The following CNTN1 variants were observed in gnomAD, a reference collection of about 807,000 sequenced individuals.
CNTN1 encodes the protein contactin 1.
In CNTN1, 38 loss-of-function variants were observed where a neutral mutation model predicts 126.4. The ratio of observed to expected loss-of-function variants is 0.30; its 90% CI spans 0.23 to 0.39. The LOEUF (loss-of-function observed/expected upper bound fraction) is 0.39. Ranked by LOEUF, CNTN1 falls within the 10% of genes least tolerant of loss-of-function variation. CNTN1 has a pLI of 1.00. For synonymous variants in CNTN1, 413 were observed against 422.6 expected (o/e 0.98, Z 0.28); for missense variants, 1,009 against 1,248.4 (o/e 0.81, Z 2.89).
chr12:41,050,531 A>T (rs932913830), intron 23 of CNTN1, among the ~76,000 whole-genome samples: 5 of 152,152 alleles, frequency 3.3e-5, no homozygotes, highest in African/African-American at 1.2e-4. Context: ...GGAGACATTC[A>T]TCCCCATGAT....
Position 40,910,113 on chromosome 12 carries a change from G to T in CNTN1, c.94+8G>T. 4 of 1,598,624 alleles carry T rather than the reference G, an allele frequency of 2.5e-6. No individual in the cohort carries two copies. The South Asian group carries it at 4.4e-5, about 18-fold the overall frequency. On this transcript the variant is annotated splice_region_variant and intron_variant, in intron 3 of 23. Transcript: ENST00000551295. ...GAAGATATGGTCATGGAGGTAAGTT[G>T]ACCAAAGAGTAGACCTTGTAAACAT...
At chr12:40,707,626 G>A (rs561754062) in intron 1 of CNTN1, among the ~76,000 whole-genome samples, 1 of 152,020 alleles carries the variant, frequency 6.6e-6, no homozygotes, top group South Asian at 2.1e-4. Flanking sequence ...TTCCTTTCAT[G>A]TTAAATACTA....
At chr12:40,749,409 C>T (rs1215720576) in intron 1 of CNTN1, among the ~76,000 whole-genome samples, 1 of 151,952 alleles carries the variant, frequency 6.6e-6, no homozygotes, top group Non-Finnish European at 1.5e-5. Flanking sequence ...CAGGAGTGTA[C>T]AGATATTGTG....
chr12:41,029,559 A>G, intron 23 of CNTN1, among the ~76,000 whole-genome samples: 1 of 152,188 alleles, frequency 6.6e-6, no homozygotes, highest in East Asian at 1.9e-4. Context: ...ACATATATCA[A>G]ATCTTCATGT....
rs141856997 is a variant in CNTN1 at position 40,856,790 on chromosome 12, G to A, written c.-76-51567G>A. Among the ~76,000 whole-genome samples, 63 of 152,124 alleles carry A rather than the reference G, an allele frequency of 4.1e-4. No individual in the cohort carries two copies. In the East Asian group the frequency reaches 8.5e-3, roughly 21 times the overall value. ...CAGGAGGTCTGGGATGTCCTGCAAG[G>A]TTGACTTTGAGGTAATCCATACACA... On this transcript the variant is annotated intron_variant, in intron 1 of 23. Coordinates refer to ENST00000551295, the MANE Select transcript of CNTN1 (RefSeq NM_001843.4).
chr12:40,742,397 C>T (rs1937981740), intron 1 of CNTN1: 1 of 151,958 alleles, frequency 6.6e-6, no homozygotes, highest in Non-Finnish European at 1.5e-5. Context: ...AATGGTTTGT[C>T]TTTTTTTGCA....
At chr12:40,916,164 A>G (rs1945235312) in intron 3 of CNTN1, among the ~76,000 whole-genome samples, 1 of 152,134 alleles carries the variant, frequency 6.6e-6, no homozygotes, top group Non-Finnish European at 1.5e-5. Context: ...AATTCACACT[A>G]AAGTCATTAT....
At chr12:40,931,619 A>G (rs1360106212) in intron 7 of CNTN1, among the ~76,000 whole-genome samples, 1 of 151,998 alleles carries the variant, frequency 6.6e-6, no homozygotes, top group Non-Finnish European at 1.5e-5. Context: ...TATTTAGCTT[A>G]TTTAGCAATA....
At chr12:40,794,741 G>A (rs1200626011) in intron 1 of CNTN1, among the ~76,000 whole-genome samples, 1 of 152,016 alleles carries the variant, frequency 6.6e-6, no homozygotes, top group African/African-American at 2.4e-5. Context: ...ACTTCTAGTA[G>A]CTCCCATTGG....
At chr12:40,904,088 G>T (rs912802496) in intron 1 of CNTN1, among the ~76,000 whole-genome samples, 3 of 151,494 alleles carry the variant, frequency 2.0e-5, no homozygotes, top group Non-Finnish European at 1.5e-5. Flanking sequence ...GCGCGATCTC[G>T]GCTCACTGCA....
chr12:41,044,698 T>C (rs1461991656), intron 23 of CNTN1, among the ~76,000 whole-genome samples: 1 of 152,030 alleles, frequency 6.6e-6, no homozygotes, highest in African/African-American at 2.4e-5. Context: ...GGAACTCCCA[T>C]ATATAGTGAG....
chr12:40,990,829 C>G (rs1439493556), intron 16 of CNTN1, among the ~76,000 whole-genome samples: 3 of 152,158 alleles, frequency 2.0e-5, no homozygotes, highest in Non-Finnish European at 4.4e-5. Flanking sequence ...TATCCTCATT[C>G]TTTAAAATGC....
intron 1 of CNTN1, among the ~76,000 whole-genome samples, chr12:40,760,174 T>C (rs536818421): frequency 6.6e-6 from 1 of 152,276 alleles, no homozygotes; most frequent in South Asian, 2.1e-4. Flanking sequence ...TAGTTGACAG[T>C]ATAGGAAATA....
intron 1 of CNTN1, among the ~76,000 whole-genome samples, chr12:40,695,884 A>G (rs965314997): frequency 3.3e-5 from 5 of 152,182 alleles, no homozygotes; most frequent in African/African-American, 1.2e-4. Flanking sequence ...CTCCTTCTGC[A>G]TTTCCATTCC....
intron 1 of CNTN1, among the ~76,000 whole-genome samples, chr12:40,700,531 A>T (rs545424717): frequency 3.2e-3 from 466 of 144,370 alleles, no homozygotes; most frequent in African/African-American, 0.012. Context: ...GTCTCAAAAT[A>T]AAAAAAAAAA....
intron 15 of CNTN1, chr12:40,972,767 C>A: frequency 2.2e-6 from 1 of 456,660 alleles, no homozygotes; most frequent in Non-Finnish European, 2.9e-6. Flanking sequence ...TTTCATGTGT[C>A]TGTAAACAGC....
chr12:40,750,819 A>G (rs1042712556), intron 1 of CNTN1, among the ~76,000 whole-genome samples: 3 of 152,070 alleles, frequency 2.0e-5, no homozygotes, highest in Non-Finnish European at 2.9e-5. Flanking sequence ...TCATTCAAGA[A>G]GAGAGGATAT....
rs902427831 is a variant in CNTN1 at position 41,071,953 on chromosome 12, T to G, written c.*1918T>G. On this transcript the variant is annotated 3_prime_UTR_variant, in exon 24 of 24. Transcript: ENST00000551295. ...CATGCTTGCCTTTTATTTTCTAATA[T>G]ATGATAATAACGAGCAAAACTGGTT... 9 of 152,202 alleles carry G rather than the reference T, an allele frequency of 5.9e-5. 1 individual carries two copies. Among genetic ancestry groups the G allele is most frequent in the Admixed American group, 5.9e-4 (9 of 15,276 alleles). 9.4% of individuals were successfully genotyped at this position (152,202 alleles called of 1,614,324 possible). A position where few individuals can be genotyped will look rare whatever the true frequency, so the allele number is the denominator to read the frequency against.
At chr12:40,801,301 T>G (rs919690658) in intron 1 of CNTN1, among the ~76,000 whole-genome samples, 5 of 151,984 alleles carry the variant, frequency 3.3e-5, no homozygotes, top group Admixed American at 1.3e-4. Flanking sequence ...TTTGGTAACA[T>G]CTATGTGCCT....
Sources: allele counts gnomAD v4.1 joint callset (sites outside exome capture counted in the v4.1 genomes callset), GRCh38; gene constraint gnomAD v4.1.1; transcripts MANE v1.5; gene names NCBI Gene and HGNC (gene_info 2026-07-23, HGNC 2026-07-21).